SCD5: variants seen among roughly 807,000 people sequenced by gnomAD.
SCD5 encodes the protein acyl-CoA-desaturase 4.
Under a neutral mutation model 30.4 loss-of-function variants are expected in SCD5, and 20 were observed. That is an observed-to-expected ratio of 0.66 (90% confidence interval 0.46 to 0.96). The LOEUF (loss-of-function observed/expected upper bound fraction) is 0.96, where lower values mean the gene tolerates loss of function less well. Among genes scored for constraint, SCD5 ranks in the 40% least tolerant of loss-of-function variants. The probability of loss-of-function intolerance (pLI) is 0.00; values close to 1 mark genes in which losing one functional copy is unlikely to be tolerated. For missense variants in SCD5, 381 were observed against 443.3 expected (o/e 0.86, Z 1.26); for synonymous variants, 173 against 176.4 (o/e 0.98, Z 0.16).
chr4:82,791,426 A>C (rs1213404933), intron 1 of SCD5, among the ~76,000 whole-genome samples: 1 of 151,902 alleles, frequency 6.6e-6, no homozygotes. Flanking sequence ...AAAAAAAAAA[A>C]AACTGCCTTT....
chr4:82,742,820 C>T lies in SCD5; in HGVS notation c.233-37407G>A, dbSNP rs575130731. 9.9e-5 allele frequency among the ~76,000 whole-genome samples: 15 copies of T among 152,270 alleles called. No individual in the cohort carries two copies. In the East Asian group the frequency reaches 2.5e-3, roughly 25 times the overall value. On this transcript the variant is annotated intron_variant, in intron 1 of 4. Transcript: ENST00000319540. ...ATGTCCAGACAATTACAGGAGAGAGCTCACCAATGATGCGGGTCTCTGAAG... is the reference window on the plus strand; with the variant it reads ...ATGTCCAGACAATTACAGGAGAGAGTTCACCAATGATGCGGGTCTCTGAAG...
At chr4:82,739,606 C>T (rs1322871530) in intron 1 of SCD5, among the ~76,000 whole-genome samples, 3 of 152,218 alleles carry the variant, frequency 2.0e-5, no homozygotes, top group Non-Finnish European at 4.4e-5. Flanking sequence ...CTCACCCCAA[C>T]GATGCTCTGA....
At chr4:82,779,173 G>A (rs558253469) in intron 1 of SCD5, among the ~76,000 whole-genome samples, 2 of 145,138 alleles carry the variant, frequency 1.4e-5, no homozygotes, top group South Asian at 4.2e-4. Flanking sequence ...CTGCCAACTA[G>A]CTAATCTTAA....
chr4:82,670,112 T>C (rs1449429023), intron 3 of SCD5, among the ~76,000 whole-genome samples: 3 of 152,114 alleles, frequency 2.0e-5, no homozygotes, highest in Non-Finnish European at 4.4e-5. Flanking sequence ...GAAAAAATTA[T>C]AAGGCATAAT....
chr4:82,707,024 T>C (rs1219971651), intron 1 of SCD5, among the ~76,000 whole-genome samples: 1 of 152,258 alleles, frequency 6.6e-6, no homozygotes, highest in Non-Finnish European at 1.5e-5. Flanking sequence ...AGGATTCAGT[T>C]TTCCTATTTT....
At chr4:82,739,928 G>T (rs893354346) in intron 1 of SCD5, among the ~76,000 whole-genome samples, 1 of 152,108 alleles carries the variant, frequency 6.6e-6, no homozygotes, top group South Asian at 2.1e-4. Context: ...CATCCCCACC[G>T]CTTGCTTATC....
chr4:82,690,336 T>A lies in SCD5; in HGVS notation c.364-9424A>T, dbSNP rs1256726122. On this transcript the variant is annotated intron_variant, in intron 2 of 4. Transcript: ENST00000319540. ...GAGCAGTACTCTAAGAGTTGGTGAATCTAGGTGAAGGCTATACCCAAGCTC... is the reference window on the plus strand; with the variant it reads ...GAGCAGTACTCTAAGAGTTGGTGAAACTAGGTGAAGGCTATACCCAAGCTC... Among the ~76,000 whole-genome samples, 4 of 152,336 alleles carry A rather than the reference T, an allele frequency of 2.6e-5. No individual in the cohort carries two copies. The South Asian group carries it at 8.3e-4, about 32-fold the overall frequency.
chr4:82,711,631 A>T (rs1343156169), intron 1 of SCD5, among the ~76,000 whole-genome samples: 1 of 152,106 alleles, frequency 6.6e-6, no homozygotes, highest in Non-Finnish European at 1.5e-5. Flanking sequence ...ACTTAAGCCC[A>T]GGAGGTGGAG....
At chr4:82,699,056 C>T (rs1719757427) in intron 2 of SCD5, among the ~76,000 whole-genome samples, 1 of 152,116 alleles carries the variant, frequency 6.6e-6, no homozygotes, top group Non-Finnish European at 1.5e-5. Context: ...GGCACTAGAG[C>T]AGGGGTCCGC....
chr4:82,794,080 T>C (rs1010831884), intron 1 of SCD5, among the ~76,000 whole-genome samples: 16 of 152,286 alleles, frequency 1.1e-4, no homozygotes, highest in Non-Finnish European at 1.8e-4. Context: ...CAGCTTCTAC[T>C]GACCATCCCA....
chr4:82,751,107 A>G (rs772403139), intron 1 of SCD5, among the ~76,000 whole-genome samples: 4 of 152,230 alleles, frequency 2.6e-5, no homozygotes, highest in Non-Finnish European at 4.4e-5. Flanking sequence ...TAAACCCATC[A>G]TAAAGCATAC....
intron 1 of SCD5, among the ~76,000 whole-genome samples, chr4:82,706,524 C>T (rs774549855): frequency 2.0e-5 from 3 of 152,270 alleles, no homozygotes; most frequent in Non-Finnish European, 4.4e-5. Flanking sequence ...CATGGTCCTT[C>T]TAACAACTGG....
chr4:82,701,084 AAG>A (rs1719828020), intron 2 of SCD5, among the ~76,000 whole-genome samples: 1 of 152,212 alleles, frequency 6.6e-6, no homozygotes, highest in African/African-American at 2.4e-5. Flanking sequence ...AATGTCGTAA[AAG>A]ACAGGAGGGA....
chr4:82,642,043 T>C, intron 3 of SCD5, among the ~76,000 whole-genome samples: 1 of 152,162 alleles, frequency 6.6e-6, no homozygotes, highest in South Asian at 2.1e-4. Flanking sequence ...AGATGTGCCC[T>C]AGAGAGAGAT....
chr4:82,699,850 C>T (rs970811564), intron 2 of SCD5, among the ~76,000 whole-genome samples: 3 of 151,684 alleles, frequency 2.0e-5, no homozygotes, highest in Non-Finnish European at 2.9e-5. Flanking sequence ...TTAGTAGACA[C>T]GGGGTTTCAC....
At position 82,637,357 on chromosome 4, in the gene SCD5, G is replaced by A. The variant is rs369777629; in HGVS notation, c.570-534C>T. Among the ~76,000 whole-genome samples, 314 of 152,178 alleles carry A rather than the reference G, an allele frequency of 2.1e-3. 3 individuals carry two copies. The highest frequency in any genetic ancestry group is 6.8e-3 in the Middle Eastern group (2 of 294). ...CCATCAGAGATTACGTTCCAAACCA[G>A]CAAAAAAATAATAAGTATAGAAACA... On this transcript the variant is annotated intron_variant, in intron 3 of 4. Coordinates refer to ENST00000319540, the MANE Select transcript of SCD5 (RefSeq NM_001037582.3).
intron 1 of SCD5, among the ~76,000 whole-genome samples, chr4:82,738,034 A>C (rs1163053936): frequency 6.6e-6 from 1 of 152,232 alleles, no homozygotes; most frequent in African/African-American, 2.4e-5. Context: ...AACAACAAAA[A>C]ATAAGAGCTG....
chr4:82,705,231 T>C (rs1405028323), intron 2 of SCD5, 52 bp downstream of exon 2: 2 of 1,600,790 alleles, frequency 1.2e-6, no homozygotes, highest in Non-Finnish European at 1.7e-6. Flanking sequence ...CCTCCTCCCA[T>C]ACTGCCATCT....
chr4:82,673,669 G>A (rs187404024), intron 3 of SCD5, among the ~76,000 whole-genome samples: 12 of 152,220 alleles, frequency 7.9e-5, no homozygotes, highest in African/African-American at 9.6e-5. Context: ...AGGTTTATAC[G>A]TGGAGGCAAA....
Sources: allele counts gnomAD v4.1 joint callset (sites outside exome capture counted in the v4.1 genomes callset), GRCh38; gene constraint gnomAD v4.1.1; transcripts MANE v1.5; gene names NCBI Gene and HGNC (gene_info 2026-07-23, HGNC 2026-07-21).